Variants in SATB1 observed in about 807,000 individuals in gnomAD.
SATB1 encodes the protein SATB homeobox 1, also known as DNA-binding protein SATB1.
Under a neutral mutation model 86.9 loss-of-function variants are expected in SATB1, and 11 were observed. The ratio of observed to expected loss-of-function variants is 0.13; its 90% CI spans 0.08 to 0.21. The LOEUF is 0.21. SATB1 is among the 10% of genes least tolerant of loss of function. The probability of loss-of-function intolerance (pLI) is 1.00; values close to 1 mark genes in which losing one functional copy is unlikely to be tolerated. For synonymous variants in SATB1, 357 were observed against 357.2 expected (o/e 1.00, Z 0.01); for missense variants, 551 against 937.6 (o/e 0.59, Z 5.39).
chr3:18,389,261 GTTTTTTTTTT>G (rs35192555), intron 7 of SATB1, among the ~76,000 whole-genome samples: 1 of 129,724 alleles, frequency 7.7e-6, no homozygotes, highest in Admixed American at 7.9e-5. Flanking sequence ...AAACCTTTGG[GTTTTTTTTTT>G]TTTTTTTTTG....
intron 9 of SATB1, among the ~76,000 whole-genome samples, chr3:18,363,798 G>A (rs907713870): frequency 6.6e-6 from 1 of 152,164 alleles, no homozygotes; most frequent in Non-Finnish European, 1.5e-5. Context: ...CTTGTCCAGT[G>A]AGGTAAGAAC....
chr3:18,373,734 T>A (rs1559410363), intron 9 of SATB1, among the ~76,000 whole-genome samples: 1 of 152,148 alleles, frequency 6.6e-6, no homozygotes, highest in South Asian at 2.1e-4. Context: ...TGAATCTCAA[T>A]GACAAACAAA....
In SATB1 at chr3:18,349,094, G is replaced by A. The variant is rs987431044; in HGVS notation, c.*76C>T. The A allele has an allele frequency of 2.6e-6, 4 of 1,537,506 alleles. No individual in the cohort carries two copies. The highest frequency in any genetic ancestry group is 1.9e-4 in the Middle Eastern group (1 of 5,142). Reference sequence around the variant, plus strand: ...AAACAATGAACAACAAAGGTTTTCTGAGAGAAGACAAGGTGGACTTTTCAT... The same window carrying A: ...AAACAATGAACAACAAAGGTTTTCTAAGAGAAGACAAGGTGGACTTTTCAT... On this transcript the variant is annotated 3_prime_UTR_variant, in exon 11 of 11. Transcript: ENST00000338745. This position sits in a 1 kb window ranked among gnomAD's most constrained non-coding sequence, Gnocchi z 5.5.
rs1699311745 is a variant in SATB1 at position 18,444,050 on chromosome 3, A to C, written c.-25+1468T>G. Among the ~76,000 whole-genome samples, 1 of 152,152 alleles carries C rather than the reference A, an allele frequency of 6.6e-6. No homozygotes were observed. Among genetic ancestry groups the C allele is most frequent in the South Asian group, 2.1e-4 (1 of 4,832 alleles). On this transcript the variant is annotated intron_variant, in intron 1 of 3. Transcript: ENST00000415069. The surrounding 1 kb of genome is among the most constrained non-coding windows in gnomAD (Gnocchi z 5.1). ...CAGGCCCCTCTTCGCCGATGCTTAC[A>C]ATCAGCCGCGCAGGCAGGGAGCGGA...
At chr3:18,357,596 A>G (rs1331705782) in intron 9 of SATB1, among the ~76,000 whole-genome samples, 3 of 143,480 alleles carry the variant, frequency 2.1e-5, no homozygotes, top group African/African-American at 2.6e-5. Flanking sequence ...GGGTAATTTC[A>G]TATCAGTGTG....
chr3:18,361,285 T>C (rs1694893991), intron 9 of SATB1, among the ~76,000 whole-genome samples: 2 of 152,120 alleles, frequency 1.3e-5, no homozygotes, highest in Non-Finnish European at 2.9e-5. Context: ...AATTTTCTGC[T>C]CTATAAAATG....
chr3:18,360,368 G>A lies in SATB1; in HGVS notation c.1576-8173C>T, dbSNP rs369949174. The stretch of plus-strand genomic sequence containing the variant: ...CCTTCAGTGGCTTCCCAAGGTAGGA[G>A]AAAAGTTCACCCTCTCAGGGGCTGT... On this transcript the variant is annotated intron_variant, in intron 9 of 10. Coordinates refer to ENST00000338745, the MANE Select transcript of SATB1 (RefSeq NM_002971.6). 3.9e-5 allele frequency among the ~76,000 whole-genome samples: 6 copies of A among 152,228 alleles called. No individual in the cohort carries two copies. The East Asian group carries it at 1.2e-3, about 29-fold the overall frequency.
At chr3:18,439,529 A>G (rs1699179746), upstream of SATB1, among the ~76,000 whole-genome samples, 1 of 152,246 alleles carries the variant, frequency 6.6e-6, no homozygotes, top group Non-Finnish European at 1.5e-5. Flanking sequence ...CTATGAAGAC[A>G]TCAAGTTTAA....
At chr3:18,438,011 T>C (rs544128234) in intron 1 of SATB1, among the ~76,000 whole-genome samples, 1 of 152,288 alleles carries the variant, frequency 6.6e-6, no homozygotes, top group Admixed American at 6.5e-5. Context: ...TTGCATTCAA[T>C]ATCAAACAGC....
chr3:18,416,467 A>G (rs1043019242), intron 3 of SATB1, among the ~76,000 whole-genome samples: 1 of 152,146 alleles, frequency 6.6e-6, no homozygotes. Flanking sequence ...TATGATTTAG[A>G]TAAGATTCTC....
intron 10 of SATB1, chr3:18,350,942 T>C (rs1319032818): frequency 6.8e-6 from 2 of 294,476 alleles, no homozygotes; most frequent in African/African-American, 4.4e-5. Flanking sequence ...ATTTTAGGAC[T>C]CTGGAAGGCA....
chr3:18,369,911 C>T (rs927932028), intron 9 of SATB1, among the ~76,000 whole-genome samples: 3 of 152,256 alleles, frequency 2.0e-5, no homozygotes, highest in Non-Finnish European at 4.4e-5. Flanking sequence ...CCCTGGCCAG[C>T]GCCGGTTGTG....
chr3:18,398,380 C>T (rs1697070899), intron 5 of SATB1, among the ~76,000 whole-genome samples: 1 of 152,132 alleles, frequency 6.6e-6, no homozygotes, highest in Non-Finnish European at 1.5e-5. Context: ...TCCCTCACCC[C>T]TATGTGCAGA....
chr3:18,396,802 T>C (rs768653975), intron 6 of SATB1, among the ~76,000 whole-genome samples: 5 of 152,084 alleles, frequency 3.3e-5, no homozygotes, highest in Non-Finnish European at 5.9e-5. Context: ...GGTGTAAAAA[T>C]AGGCACTTTC....
intron 9 of SATB1, among the ~76,000 whole-genome samples, chr3:18,374,628 T>G (rs1430320035): frequency 1.3e-5 from 2 of 152,214 alleles, no homozygotes; most frequent in Non-Finnish European, 2.9e-5. Context: ...ACGTTTCTAT[T>G]AGAGTTAAAA....
upstream of SATB1, among the ~76,000 whole-genome samples, chr3:18,427,460 G>T (rs1698747934): frequency 6.6e-6 from 1 of 152,148 alleles, no homozygotes; most frequent in South Asian, 2.1e-4. Context: ...TAAAAGAAAA[G>T]AAAGCTGTTG....
In SATB1 at chr3:18,425,138, CCTGCTG is replaced by C. The variant is rs1287358635; in HGVS notation, c.-1542_-1537del. The C allele has an allele frequency of 5.7e-6, 1 of 175,616 alleles. No individual in the cohort carries two copies. Among genetic ancestry groups the C allele is most frequent in the African/African-American group, 2.4e-5 (1 of 41,670 alleles). The allele number at this position is 175,616 out of a possible 1,614,324, so 10.9% of individuals were successfully genotyped here. A position where few individuals can be genotyped will look rare whatever the true frequency, so the allele number is the denominator to read the frequency against. ...GGCTGCAGCCCTCTCCGCCGCTGCT[CCTGCTG>C]CTGCTGCCGCCGCCGCCGCCGCTGC... On this transcript the variant is annotated 5_prime_UTR_variant, in exon 1 of 11. Transcript: ENST00000338745.
Position 18,413,364 on chromosome 3 carries a change from C to T in SATB1, c.639+1747G>A, listed in dbSNP as rs1697959574. 2.0e-5 allele frequency among the ~76,000 whole-genome samples: 3 copies of T among 152,202 alleles called. No individual in the cohort carries two copies. In the Middle Eastern group the frequency reaches 0.01, roughly 518 times the overall value. ...TGTAACGACAGCCTCTTCTTCAGCTCATAGTAAATGCCTTAAGTATTTGTC... is the reference window on the plus strand; with the variant it reads ...TGTAACGACAGCCTCTTCTTCAGCTTATAGTAAATGCCTTAAGTATTTGTC... On this transcript the variant is annotated intron_variant, in intron 5 of 10. Coordinates refer to ENST00000338745, the MANE Select transcript of SATB1 (RefSeq NM_002971.6).
chr3:18,382,433 A>G (rs1474964291), intron 8 of SATB1, among the ~76,000 whole-genome samples: 1 of 152,220 alleles, frequency 6.6e-6, no homozygotes, highest in Non-Finnish European at 1.5e-5. Context: ...TGCACAAATC[A>G]AATTTTAAAA....
Sources: gnomAD v4.1 joint callset for allele counts (sites outside exome capture counted in the v4.1 genomes callset) on GRCh38, gnomAD v4.1.1 for gene constraint, Gnocchi (gnomAD v3.1) non-coding constraint, MANE v1.5 for transcripts, NCBI Gene and HGNC (gene_info 2026-07-23, HGNC 2026-07-21) for gene names.